Variants in C19orf81 observed in about 807,000 individuals in gnomAD.
The protein encoded by C19orf81 is putative uncharacterized protein C19orf81.
A neutral mutation model predicts 22.1 loss-of-function variants in C19orf81; 19 were observed. That is an observed-to-expected ratio of 0.86 (90% CI 0.60 to 1.26). The LOEUF (loss-of-function observed/expected upper bound fraction) is 1.26. Among genes scored for constraint, C19orf81 ranks in the 50% most tolerant of loss-of-function variants. The pLI is 0.00. For synonymous variants in C19orf81, 108 were observed against 113.1 expected, an observed-to-expected ratio of 0.95 and a Z score of 0.29; for missense variants, 287 against 280.7, an observed-to-expected ratio of 1.02 and a Z score of -0.16.
chr19:50,655,766 C>G (rs1460660699), intron 1 of C19orf81, among the ~76,000 whole-genome samples: 2 of 152,170 alleles, frequency 1.3e-5, no homozygotes, highest in Admixed American at 6.5e-5. Flanking sequence ...GGAGCAAGTT[C>G]CTCCTGCTTC....
intron 1 of C19orf81, among the ~76,000 whole-genome samples, chr19:50,652,848 G>T (rs73042542): frequency 6.6e-6 from 1 of 152,066 alleles, no homozygotes; most frequent in Non-Finnish European, 1.5e-5. Flanking sequence ...TGAGAGGAAG[G>T]CACCTGGGGA....
At position 50,656,092 on chromosome 19, in the gene C19orf81, C is replaced by T; in HGVS notation, c.110C>T (p.Ala37Val). 1 of 1,536,134 alleles carries T rather than the reference C, an allele frequency of 6.5e-7. No individual in the cohort carries two copies. The highest frequency in any genetic ancestry group is 1.4e-5 in the African/African-American group (1 of 73,162). The change falls in exon 2 of 5, where the codon GCT (alanine) becomes GTT (valine). Residue 37 changes from alanine to valine, a missense_variant. Physicochemically the swap from Ala to Val is moderately conservative, Grantham distance 64. Coordinates refer to ENST00000425202, the MANE Select transcript of C19orf81 (RefSeq NM_001195076.2). ...CTGGAGACCCCAGAGGAGATGCAGG[C>T]TCGGAGCCTGGGCAGGCCCATCAAA... Reference protein sequence around the residue: ...MDLETPEEMQARSLGRPIKSS... With the variant: ...MDLETPEEMQVRSLGRPIKSS...
chr19:50,656,935 A>G (rs56227700), intron 3 of C19orf81, among the ~76,000 whole-genome samples: 73,702 of 147,720 alleles, frequency 0.5, 21,044 homozygotes, highest in African/African-American at 0.79. Flanking sequence ...CTGGGTGACA[A>G]AGTGAGACTC....
At chr19:50,650,120 C>G (rs1054369206) in intron 1 of C19orf81, among the ~76,000 whole-genome samples, 4 of 152,176 alleles carry the variant, frequency 2.6e-5, no homozygotes, top group Non-Finnish European at 5.9e-5. Flanking sequence ...AGAGGTCTCT[C>G]TGACTTCCTG....
chr19:50,654,119 C>T (rs1357571482), intron 1 of C19orf81, among the ~76,000 whole-genome samples: 1 of 151,998 alleles, frequency 6.6e-6, no homozygotes, highest in Admixed American at 6.5e-5. Flanking sequence ...GTTTTATGTT[C>T]GGCAGGAGAG....
chr19:50,655,686 GTGT>G (rs149062214), intron 1 of C19orf81, among the ~76,000 whole-genome samples: 197 of 152,004 alleles, frequency 1.3e-3, no homozygotes, highest in African/African-American at 4.6e-3. Flanking sequence ...CTGGATTCAA[GTGT>G]TGTTACTGAA....
chr19:50,658,247 A>C, intron 4 of C19orf81, 119 bp downstream of exon 4: 1 of 1,065,654 alleles, frequency 9.4e-7, no homozygotes, highest in Non-Finnish European at 1.3e-6. Context: ...TGAAAGCATG[A>C]ATGGGCGGGG....
rs144243088 is a variant in C19orf81 at position 50,656,290 on chromosome 19, C to A, written c.205C>A (p.Arg69=). 1 of 1,536,070 alleles carries A rather than the reference C, an allele frequency of 6.5e-7. No individual in the cohort carries two copies. The highest frequency in any genetic ancestry group is 1.4e-5 in the African/African-American group (1 of 73,056). The change falls in exon 3 of 5, where the codon CGG becomes AGG. Residue 69 remains arginine, a synonymous_variant. Coordinates refer to ENST00000425202, the MANE Select transcript of C19orf81 (RefSeq NM_001195076.2). ...ACTGGACCGAGAACTCCCGTGCATCCGGAAGTTCCCCACACCACCAGCTTC... is the reference window on the plus strand; with the variant it reads ...ACTGGACCGAGAACTCCCGTGCATCAGGAAGTTCCCCACACCACCAGCTTC... The part of the protein sequence containing the change: ...EALDRELPCI[R]KFPTPPASQP...
chr19:50,658,940 C>G lies in C19orf81; in HGVS notation c.402-7C>G. The stretch of plus-strand genomic sequence containing the variant: ...GAGTTCCTTTTCCGTCCCCACCCCC[C>G]TTACAGGTGGCTCATCGCGGTCACG... On this transcript the variant is annotated splice_region_variant and splice_polypyrimidine_tract_variant and intron_variant, in intron 4 of 4. Coordinates refer to ENST00000425202, the MANE Select transcript of C19orf81 (RefSeq NM_001195076.2). 8 of 1,471,966 alleles carry G rather than the reference C, an allele frequency of 5.4e-6. No individual in the cohort carries two copies. The highest frequency in any genetic ancestry group is 7.2e-6 in the Non-Finnish European group (8 of 1,108,284). The allele number at this position is 1,471,966 out of a possible 1,614,324, so 91.2% of individuals were successfully genotyped here. A position where few individuals can be genotyped will look rare whatever the true frequency, so the allele number is the denominator to read the frequency against.
chr19:50,656,224 A>C lies in C19orf81; in HGVS notation c.141-2A>C. On this transcript the variant is annotated splice_acceptor_variant, in intron 2 of 4. Transcript: ENST00000425202. LOFTEE classifies it high-confidence loss of function. Reference sequence around the variant, plus strand: ...GTCCCTGCCTGTTCGCTCTCTCCCTAGAAAGCAGTACCTGCGGCAGGTCAT... The same window carrying C: ...GTCCCTGCCTGTTCGCTCTCTCCCTCGAAAGCAGTACCTGCGGCAGGTCAT... The C allele has an allele frequency of 6.5e-7, 1 of 1,536,092 alleles. No homozygotes were observed.
chr19:50,658,805 G>A (rs1985065335), intron 4 of C19orf81, 142 bp from the exon 5 acceptor site: 2 of 681,262 alleles, frequency 2.9e-6, no homozygotes, highest in Non-Finnish European at 4.4e-6. Flanking sequence ...GGCAGGGCTG[G>A]AGGGGAGTTT....
At chr19:50,654,952 C>G (rs1599828874) in intron 1 of C19orf81, among the ~76,000 whole-genome samples, 1 of 152,222 alleles carries the variant, frequency 6.6e-6, no homozygotes. Context: ...TCCTCCCATA[C>G]TGTTGCTTGC....
intron 1 of C19orf81, among the ~76,000 whole-genome samples, chr19:50,650,268 G>A (rs1222044048): frequency 6.6e-6 from 1 of 152,186 alleles, no homozygotes; most frequent in Non-Finnish European, 1.5e-5. Context: ...TCCTAGCCCA[G>A]CACTTCCTGC....
chr19:50,658,775 T>C (rs1985064309), intron 4 of C19orf81, among the ~76,000 whole-genome samples, 172 bp from the exon 5 acceptor site: 1 of 151,716 alleles, frequency 6.6e-6, no homozygotes, highest in Non-Finnish European at 1.5e-5. Context: ...GTAAGGAGCC[T>C]AGAGCGACCC....
intron 4 of C19orf81, chr19:50,658,711 T>TA: frequency 2.5e-6 from 1 of 404,646 alleles, no homozygotes; most frequent in East Asian, 3.7e-5. Flanking sequence ...TTGGGCGGTT[T>TA]GAGATGGAGC....
chr19:50,653,537 G>A (rs1216552592), intron 1 of C19orf81, among the ~76,000 whole-genome samples: 6 of 152,122 alleles, frequency 3.9e-5, no homozygotes, highest in Non-Finnish European at 5.9e-5. Flanking sequence ...AATCCAGTAG[G>A]TCTGGGGGTG....
chr19:50,651,522 C>T (rs1381685664), intron 1 of C19orf81, among the ~76,000 whole-genome samples: 1 of 152,102 alleles, frequency 6.6e-6, no homozygotes, highest in Admixed American at 6.5e-5. Flanking sequence ...TCATTCATCT[C>T]TTGGTCCCCA....
At chr19:50,656,387 G>T (rs569394144) in intron 3 of C19orf81, 41 bp downstream of exon 3, 2 of 1,509,332 alleles carry the variant, frequency 1.3e-6, no homozygotes, top group South Asian at 2.5e-5. Context: ...CAGTTTTGGT[G>T]GGGTGATGGG....
At chr19:50,650,752 T>G (rs145899415) in intron 1 of C19orf81, among the ~76,000 whole-genome samples, 4 of 152,196 alleles carry the variant, frequency 2.6e-5, no homozygotes, top group Non-Finnish European at 4.4e-5. Context: ...GCTCAAGTGA[T>G]CCTCCCACCT....
Sources: gnomAD v4.1 joint callset for allele counts (sites outside exome capture counted in the v4.1 genomes callset) on GRCh38, gnomAD v4.1.1 for gene constraint, MANE v1.5 for transcripts, NCBI Gene and HGNC (gene_info 2026-07-23, HGNC 2026-07-21) for gene names.